Variants in STK3 observed in about 807,000 individuals in gnomAD.
The protein encoded by STK3 is serine/threonine kinase 3.
In STK3, 41 loss-of-function variants were observed where a neutral mutation model predicts 58.0. The observed-to-expected ratio is 0.71, with a 90% CI of 0.55 to 0.92. The LOEUF (loss-of-function observed/expected upper bound fraction) is 0.92. STK3 is among the 40% of genes least tolerant of loss of function. STK3 has a pLI of 0.00. For missense variants in STK3, 479 were observed against 602.7 expected (o/e 0.79, Z 2.15); for synonymous variants, 170 against 191.0 (o/e 0.89, Z 0.91).
intron 1 of STK3, among the ~76,000 whole-genome samples, chr8:98,932,572 G>T (rs894308129): frequency 2.6e-5 from 4 of 152,196 alleles, no homozygotes; most frequent in African/African-American, 4.8e-5. Flanking sequence ...ATTTAAAAGG[G>T]CTTTAAGGAA....
At chr8:98,714,976 C>T (rs184088231) in intron 4 of STK3, among the ~76,000 whole-genome samples, 238 of 152,152 alleles carry the variant, frequency 1.6e-3, no homozygotes, top group South Asian at 2.7e-3. Flanking sequence ...GAAATAATGC[C>T]GCATATCTAC....
downstream of STK3, among the ~76,000 whole-genome samples, chr8:98,398,550 C>A (rs147356482): frequency 4.2e-3 from 643 of 152,322 alleles, 7 homozygotes; most frequent in Non-Finnish European, 4.5e-3. Context: ...CCCAAACCCT[C>A]ACCATCAGAC....
intron 10 of STK3, among the ~76,000 whole-genome samples, chr8:98,463,915 G>GAC (rs1820213979): frequency 6.6e-6 from 1 of 152,070 alleles, no homozygotes; most frequent in African/African-American, 2.4e-5. Context: ...AAATAAATGA[G>GAC]ACACTACTAC....
intron 1 of STK3, among the ~76,000 whole-genome samples, chr8:98,811,750 T>A (rs1010550194): frequency 1.3e-5 from 2 of 152,206 alleles, no homozygotes; most frequent in Non-Finnish European, 2.9e-5. Flanking sequence ...TGATCTTGAA[T>A]CCACAAAATA....
intron 3 of STK3, among the ~76,000 whole-genome samples, chr8:98,847,303 A>G (rs1836244172): frequency 6.6e-6 from 1 of 152,200 alleles, no homozygotes; most frequent in African/African-American, 2.4e-5. Context: ...TCCAGTGGCC[A>G]CCATTCTATA....
intron 6 of STK3, among the ~76,000 whole-genome samples, chr8:98,660,380 G>A (rs1821873386): frequency 6.6e-6 from 1 of 151,940 alleles, no homozygotes; most frequent in Admixed American, 6.6e-5. Context: ...CTACTGAACT[G>A]TGCACTGAAA....
intron 6 of STK3, among the ~76,000 whole-genome samples, chr8:98,665,952 C>T (rs1822322589): frequency 6.6e-6 from 1 of 152,104 alleles, no homozygotes; most frequent in Non-Finnish European, 1.5e-5. Context: ...ATCCACCTGC[C>T]TCAGCCTGCC....
At chr8:98,632,638 G>A (rs773326468) in intron 6 of STK3, among the ~76,000 whole-genome samples, 1 of 152,138 alleles carries the variant, frequency 6.6e-6, no homozygotes, top group Non-Finnish European at 1.5e-5. Flanking sequence ...CATTTTAGAT[G>A]TTAACCTAAA....
chr8:98,779,561 T>C (rs1413495220), intron 1 of STK3, among the ~76,000 whole-genome samples: 6 of 152,330 alleles, frequency 3.9e-5, no homozygotes, highest in East Asian at 3.9e-4. Flanking sequence ...CTACAGGCTA[T>C]GTGTATAAGG....
intron 3 of STK3, among the ~76,000 whole-genome samples, chr8:98,864,732 C>T (rs1837070071): frequency 6.6e-6 from 1 of 152,144 alleles, no homozygotes; most frequent in South Asian, 2.1e-4. Context: ...GTCAGAATAA[C>T]AGTAGCTTAA....
At chr8:98,407,368 G>A (rs1361561755) in intron 3 of STK3, among the ~76,000 whole-genome samples, 2 of 152,110 alleles carry the variant, frequency 1.3e-5, no homozygotes, top group East Asian at 1.9e-4. Context: ...CTATTCCTAC[G>A]TCCTTCACCA....
chr8:98,724,133 C>A (rs1278445290), intron 4 of STK3, among the ~76,000 whole-genome samples: 1 of 152,138 alleles, frequency 6.6e-6, no homozygotes, highest in Non-Finnish European at 1.5e-5. Flanking sequence ...CAATACTAAG[C>A]GATGCCTGCA....
At chr8:98,592,733 C>CTTTA (rs10557286) in intron 7 of STK3, among the ~76,000 whole-genome samples, 45,330 of 139,448 alleles carry the variant, frequency 0.33, 8,162 homozygotes, top group Admixed American at 0.46. Flanking sequence ...CACTGACTTA[C>CTTTA]TTTATTTATT....
At chr8:98,739,515 C>A (rs1311918585) in intron 4 of STK3, among the ~76,000 whole-genome samples, 2 of 149,460 alleles carry the variant, frequency 1.3e-5, no homozygotes, top group African/African-American at 5.0e-5. Context: ...CAAACTCCAA[C>A]ACACCTGCAG....
chr8:98,717,018 T>C lies in STK3; in HGVS notation c.352-9707A>G, dbSNP rs147059481. Among the ~76,000 whole-genome samples, 568 of 152,060 alleles carry C rather than the reference T, an allele frequency of 3.7e-3. 3 individuals carry two copies. Among genetic ancestry groups the C allele is most frequent in the African/African-American group, 0.013 (526 of 41,480 alleles). On this transcript the variant is annotated intron_variant, in intron 4 of 10. Transcript: ENST00000419617. ...ACCTAGCACCATATACAAAAATTAATTGAAAATGAATCAAAGACCTAAACA... is the reference window on the plus strand; with the variant it reads ...ACCTAGCACCATATACAAAAATTAACTGAAAATGAATCAAAGACCTAAACA...
chr8:98,514,131 A>G (rs1824739739), intron 10 of STK3, among the ~76,000 whole-genome samples: 1 of 152,074 alleles, frequency 6.6e-6, no homozygotes, highest in Non-Finnish European at 1.5e-5. Context: ...CTCTCCAAGA[A>G]TTAGACCTAG....
At chr8:98,898,184 C>A (rs1017887418) in intron 1 of STK3, among the ~76,000 whole-genome samples, 9 of 152,216 alleles carry the variant, frequency 5.9e-5, no homozygotes, top group Non-Finnish European at 1.0e-4. Flanking sequence ...CTGGACTTCC[C>A]AGTCATGGCC....
At chr8:98,934,559 C>T (rs892232553) in intron 1 of STK3, among the ~76,000 whole-genome samples, 1 of 152,188 alleles carries the variant, frequency 6.6e-6, no homozygotes, top group Non-Finnish European at 1.5e-5. Context: ...ATAAAAGCAG[C>T]AAAGGTGTCA....
intron 1 of STK3, among the ~76,000 whole-genome samples, chr8:98,885,044 A>G (rs571118745): frequency 1.3e-5 from 2 of 152,350 alleles, no homozygotes; most frequent in South Asian, 4.1e-4. Context: ...AAACAAATGA[A>G]CTACCCTGTT....
Sources: allele counts gnomAD v4.1 joint callset (sites outside exome capture counted in the v4.1 genomes callset), GRCh38; gene constraint gnomAD v4.1.1; transcripts MANE v1.5; gene names NCBI Gene and HGNC (gene_info 2026-07-23, HGNC 2026-07-21).